The following RC3H2 variants were observed in gnomAD, a reference collection of about 807,000 sequenced individuals.
RC3H2 encodes the protein roquin-2.
RC3H2 carries 31 observed loss-of-function variants against 133.3 expected under a neutral mutation model. The ratio of observed to expected loss-of-function variants is 0.23; its 90% CI spans 0.17 to 0.31. RC3H2 has a LOEUF of 0.31. Ranked by LOEUF, RC3H2 falls within the 10% of genes least tolerant of loss-of-function variation. The pLI, the probability that RC3H2 is intolerant of heterozygous loss-of-function variation, is 1.00. For synonymous variants in RC3H2, 517 were observed against 502.2 expected (o/e 1.03, Z -0.40); for missense variants, 1,175 against 1,437.2 (o/e 0.82, Z 2.95).
At chr9:122,894,055 C>T (rs1016306855) in intron 2 of RC3H2, among the ~76,000 whole-genome samples, 1 of 152,016 alleles carries the variant, frequency 6.6e-6, no homozygotes, top group Non-Finnish European at 1.5e-5. Context: ...GTCAGGAGAT[C>T]GAGACCATCC....
intron 12 of RC3H2, 26 bp downstream of exon 12, chr9:122,858,640 GACT>G (rs2131393644): frequency 2.5e-6 from 4 of 1,574,936 alleles, no homozygotes; most frequent in Non-Finnish European, 3.4e-6. Context: ...GGCTGTTAAT[GACT>G]ACATTATAGT....
intron 18 of RC3H2, among the ~76,000 whole-genome samples, chr9:122,853,440 TTTAAA>T (rs1475930453): frequency 6.6e-6 from 1 of 151,594 alleles, no homozygotes; most frequent in Non-Finnish European, 1.5e-5. Context: ...GGGTTTCCCT[TTTAAA>T]TTAAAGTAAA....
intron 18 of RC3H2, among the ~76,000 whole-genome samples, chr9:122,851,923 T>A (rs1044648687): frequency 1.4e-4 from 21 of 151,954 alleles, no homozygotes; most frequent in African/African-American, 5.1e-4. Flanking sequence ...CGCCACCCCG[T>A]CTGGGAAGTG....
At chr9:122,884,166 A>G (rs979546460) in intron 4 of RC3H2, among the ~76,000 whole-genome samples, 8 of 152,116 alleles carry the variant, frequency 5.3e-5, no homozygotes, top group Non-Finnish European at 5.9e-5. Flanking sequence ...GGTGGCAGGC[A>G]CCTGTAGTCC....
chr9:122,869,030 T>C (rs748389507), intron 9 of RC3H2, among the ~76,000 whole-genome samples: 16 of 151,466 alleles, frequency 1.1e-4, no homozygotes, highest in Non-Finnish European at 1.8e-4. Context: ...GCCTCCCAAG[T>C]AGCTGGGATT....
chr9:122,855,693 C>T (rs1323171481), intron 14 of RC3H2, 39 bp downstream of exon 14: 1 of 1,580,394 alleles, frequency 6.3e-7, no homozygotes, highest in African/African-American at 1.4e-5. Flanking sequence ...CATGCATCAT[C>T]TCTCACCTCC....
chr9:122,885,228 T>A (rs1485963473), intron 4 of RC3H2, among the ~76,000 whole-genome samples: 1 of 152,166 alleles, frequency 6.6e-6, no homozygotes, highest in Non-Finnish European at 1.5e-5. Flanking sequence ...ACAAGCAACC[T>A]ACTCTCAAAT....
At chr9:122,882,512 T>C (rs911256732) in intron 5 of RC3H2, among the ~76,000 whole-genome samples, 6 of 152,232 alleles carry the variant, frequency 3.9e-5, no homozygotes, top group East Asian at 1.9e-4. Flanking sequence ...TAGAAGCCAA[T>C]AGGCCTTTCT....
intron 9 of RC3H2, among the ~76,000 whole-genome samples, chr9:122,871,884 ATT>A (rs1831119087): frequency 6.6e-6 from 1 of 151,926 alleles, no homozygotes; most frequent in African/African-American, 2.4e-5. Context: ...AATTATTATT[ATT>A]ATTTTAAAGG....
At chr9:122,857,714 T>C (rs1381797091) in intron 13 of RC3H2, among the ~76,000 whole-genome samples, 1 of 152,222 alleles carries the variant, frequency 6.6e-6, no homozygotes, top group African/African-American at 2.4e-5. Flanking sequence ...AGATTTTGAA[T>C]TCTTAGTAAA....
At chr9:122,881,315 C>A (rs2131463180) in intron 5 of RC3H2, among the ~76,000 whole-genome samples, 1 of 151,978 alleles carries the variant, frequency 6.6e-6, no homozygotes, top group Non-Finnish European at 1.5e-5. Context: ...GACGAAACCC[C>A]ATCTCAAGAA....
At chr9:122,883,409 G>C in intron 4 of RC3H2, 30 bp from the exon 5 acceptor site, 1 of 1,549,010 alleles carries the variant, frequency 6.5e-7, no homozygotes, top group Non-Finnish European at 8.7e-7. Flanking sequence ...ATGAGTTCAT[G>C]ACAAATGAGG....
At chr9:122,861,914 T>C (rs1830471947) in intron 10 of RC3H2, among the ~76,000 whole-genome samples, 1 of 152,248 alleles carries the variant, frequency 6.6e-6, no homozygotes, top group Non-Finnish European at 1.5e-5. Context: ...AGGACTGTGC[T>C]TATTCTTTAC....
At chr9:122,904,638 C>T (rs1026855981) in intron 1 of RC3H2, among the ~76,000 whole-genome samples, 1 of 152,208 alleles carries the variant, frequency 6.6e-6, no homozygotes, top group Non-Finnish European at 1.5e-5. Context: ...GTTAAGCCCT[C>T]CCAGGGCATT....
chr9:122,885,603 T>C (rs572457140), intron 4 of RC3H2, among the ~76,000 whole-genome samples: 1 of 152,364 alleles, frequency 6.6e-6, no homozygotes, highest in Admixed American at 6.5e-5. Context: ...TAAAATTCTT[T>C]AAATTTTTTC....
intron 10 of RC3H2, among the ~76,000 whole-genome samples, chr9:122,862,710 C>G (rs1379093964): frequency 6.6e-6 from 1 of 152,078 alleles, no homozygotes; most frequent in Non-Finnish European, 1.5e-5. Flanking sequence ...GTCTGGCCAA[C>G]ATGGCGAAAC....
Position 122,905,284 on chromosome 9 carries a change from G to A in RC3H2, c.-242C>T, listed in dbSNP as rs935217369. Reference sequence around the variant, plus strand: ...CGTTGGCGGCGGCGAAGGCCGCGACGGGGCCTCCTCCTCCTCCCTCCACCT... The same window carrying A: ...CGTTGGCGGCGGCGAAGGCCGCGACAGGGCCTCCTCCTCCTCCCTCCACCT... On this transcript the variant is annotated 5_prime_UTR_variant, in exon 1 of 21. Coordinates refer to ENST00000357244, the MANE Select transcript of RC3H2 (RefSeq NM_001100588.3). 3.3e-5 allele frequency: 33 copies of A among 985,692 alleles called. No individual in the cohort carries two copies. Among genetic ancestry groups the A allele is most frequent in the African/African-American group, 1.0e-4 (6 of 57,218 alleles). The allele number at this position is 985,692 out of a possible 1,614,324, so 61.1% of individuals were successfully genotyped here.
rs1284582142 is a variant in RC3H2 at position 122,849,529 on chromosome 9, TA to T, written c.*97del. 2.0e-4 allele frequency: 85 copies of T among 434,574 alleles called. No individual in the cohort carries two copies. The highest frequency in any genetic ancestry group is 8.3e-4 in the Middle Eastern group (1 of 1,212). 26.9% of individuals were successfully genotyped at this position (434,574 alleles called of 1,614,324 possible). On this transcript the variant is annotated 3_prime_UTR_variant, in exon 21 of 21. Coordinates refer to ENST00000357244, the MANE Select transcript of RC3H2 (RefSeq NM_001100588.3). ...GATGCCCCCAGTAATATCTTTTTTT[TA>T]AAAAAAATATACATTATATAATATA... is the stretch of plus-strand genomic sequence containing the variant.
At chr9:122,867,614 G>A (rs1830767919) in intron 9 of RC3H2, among the ~76,000 whole-genome samples, 1 of 124,834 alleles carries the variant, frequency 8.0e-6, no homozygotes, top group Admixed American at 7.5e-5. Context: ...CATCTAGGAA[G>A]TGAGGAGCGT....
Sources: allele counts gnomAD v4.1 joint callset (sites outside exome capture counted in the v4.1 genomes callset), GRCh38; gene constraint gnomAD v4.1.1; transcripts MANE v1.5; gene names NCBI Gene and HGNC (gene_info 2026-07-23, HGNC 2026-07-21).